The following PPP2R5E variants were observed in gnomAD, a reference collection of about 807,000 sequenced individuals.
PPP2R5E encodes serine/threonine-protein phosphatase 2A 56 kDa regulatory subunit epsilon isoform.
A neutral mutation model predicts 65.3 loss-of-function variants in PPP2R5E; 4 were observed. The ratio of observed to expected loss-of-function variants is 0.06; its 90% CI spans 0.03 to 0.14. PPP2R5E has a LOEUF of 0.14. Ranked by LOEUF, PPP2R5E falls within the 10% of genes least tolerant of loss-of-function variation. The pLI is 1.00. For synonymous variants in PPP2R5E, 183 were observed against 187.4 expected, an observed-to-expected ratio of 0.98 and a Z score of 0.19; for missense variants, 274 against 556.1, an observed-to-expected ratio of 0.49 and a Z score of 5.10.
At chr14:63,415,267 T>C (rs1886630723) in intron 4 of PPP2R5E, 35 bp from the exon 5 acceptor site, 1 of 1,474,236 alleles carries the variant, frequency 6.8e-7, no homozygotes, top group Non-Finnish European at 9.4e-7. Context: ...TTTCAAATTA[T>C]GACTCACTGA....
At chr14:63,497,889 C>G (rs370254197) in intron 2 of PPP2R5E, among the ~76,000 whole-genome samples, 1 of 152,202 alleles carries the variant, frequency 6.6e-6, no homozygotes, top group African/African-American at 2.4e-5. Flanking sequence ...CAGAAGCATA[C>G]TCACGTTAGT....
chr14:63,522,670 G>T (rs1234379955), intron 2 of PPP2R5E, among the ~76,000 whole-genome samples: 1 of 149,584 alleles, frequency 6.7e-6, no homozygotes, highest in Non-Finnish European at 1.5e-5. Context: ...TCTCTGCCCG[G>T]CCGCGACCCC....
chr14:63,456,760 C>A (rs754265107), intron 2 of PPP2R5E, among the ~76,000 whole-genome samples: 16 of 152,032 alleles, frequency 1.1e-4, no homozygotes, highest in Non-Finnish European at 2.1e-4. Context: ...CAGAGTGATA[C>A]CCTATTCCAG....
intron 8 of PPP2R5E, among the ~76,000 whole-genome samples, chr14:63,392,398 T>G (rs1885076031): frequency 6.6e-6 from 1 of 152,188 alleles, no homozygotes; most frequent in African/African-American, 2.4e-5. Context: ...GTACTGAGTT[T>G]TACTGTAGTT....
At chr14:63,469,632 G>T (rs1487265501) in intron 2 of PPP2R5E, among the ~76,000 whole-genome samples, 1 of 152,108 alleles carries the variant, frequency 6.6e-6, no homozygotes, top group Non-Finnish European at 1.5e-5. Context: ...AGGCGGAGCT[G>T]GCAGTGAGCC....
At chr14:63,507,273 T>A (rs1892228868) in intron 2 of PPP2R5E, among the ~76,000 whole-genome samples, 1 of 152,158 alleles carries the variant, frequency 6.6e-6, no homozygotes. Context: ...AGTGAGGGAA[T>A]ACCAACTGCC....
At chr14:63,476,698 C>T (rs986706576) in intron 2 of PPP2R5E, among the ~76,000 whole-genome samples, 8 of 152,064 alleles carry the variant, frequency 5.3e-5, no homozygotes, top group South Asian at 4.1e-4. Flanking sequence ...CACAGAGAAC[C>T]CTATACTGCT....
At chr14:63,378,715 T>G (rs1884135129) in intron 13 of PPP2R5E, among the ~76,000 whole-genome samples, 1 of 152,210 alleles carries the variant, frequency 6.6e-6, no homozygotes, top group Admixed American at 6.5e-5. Flanking sequence ...GCAGGGGATA[T>G]TGTCAAATTC....
intron 3 of PPP2R5E, among the ~76,000 whole-genome samples, chr14:63,433,764 A>G (rs1256507860): frequency 1.3e-5 from 2 of 152,198 alleles, no homozygotes; most frequent in Non-Finnish European, 1.5e-5. Flanking sequence ...AATTCTGGCT[A>G]CTTCTTATAC....
rs1253926161 is a variant in PPP2R5E at position 63,460,838 on chromosome 14, T to G, written c.158-6953A>C. 4.6e-5 allele frequency among the ~76,000 whole-genome samples: 7 copies of G among 152,296 alleles called. No individual in the cohort carries two copies. The Middle Eastern group carries it at 0.017, about 370-fold the overall frequency. The stretch of plus-strand genomic sequence containing the variant: ...ACATGATTCAGGGCTTTCGTGTTAT[T>G]TTGACACTATGATCTAATCAGAAGA... On this transcript the variant is annotated intron_variant, in intron 2 of 13. Transcript: ENST00000337537.
intron 2 of PPP2R5E, among the ~76,000 whole-genome samples, chr14:63,495,955 C>T (rs1298202906): frequency 1.3e-5 from 2 of 152,102 alleles, no homozygotes; most frequent in Non-Finnish European, 2.9e-5. Context: ...CTTTCATAAG[C>T]GCTGGGATTA....
At chr14:63,525,961 A>G (rs1893169280) in intron 2 of PPP2R5E, among the ~76,000 whole-genome samples, 1 of 152,044 alleles carries the variant, frequency 6.6e-6, no homozygotes, top group South Asian at 2.1e-4. Context: ...GGTTCAAGAG[A>G]TTCTCCTGCC....
At chr14:63,495,169 C>G (rs1237333180) in intron 2 of PPP2R5E, among the ~76,000 whole-genome samples, 1 of 151,898 alleles carries the variant, frequency 6.6e-6, no homozygotes, top group African/African-American at 2.4e-5. Context: ...CGCCACTGCA[C>G]TCCAGCCTGG....
At chr14:63,456,357 CACTT>C (rs1475183373) in intron 2 of PPP2R5E, among the ~76,000 whole-genome samples, 1 of 152,176 alleles carries the variant, frequency 6.6e-6, no homozygotes, top group Non-Finnish European at 1.5e-5. Context: ...AGGCAGTTAA[CACTT>C]AGTCCTATTT....
chr14:63,450,265 T>C (rs1888744455), intron 3 of PPP2R5E, among the ~76,000 whole-genome samples: 1 of 152,208 alleles, frequency 6.6e-6, no homozygotes, highest in African/African-American at 2.4e-5. Context: ...GCTAACAATT[T>C]CAGAAATCAC....
At chr14:63,416,820 T>A (rs1026770641) in intron 4 of PPP2R5E, among the ~76,000 whole-genome samples, 1 of 152,204 alleles carries the variant, frequency 6.6e-6, no homozygotes, top group African/African-American at 2.4e-5. Flanking sequence ...CAGATTTTCA[T>A]CTGCTTCTAT....
intron 2 of PPP2R5E, among the ~76,000 whole-genome samples, chr14:63,501,559 C>T (rs764142586): frequency 4.6e-5 from 7 of 151,894 alleles, no homozygotes; most frequent in Non-Finnish European, 7.4e-5. Flanking sequence ...GAGAAGGTAG[C>T]GAGAGGAATG....
At chr14:63,376,488 A>G (rs1245176552) in intron 13 of PPP2R5E, among the ~76,000 whole-genome samples, 1 of 152,200 alleles carries the variant, frequency 6.6e-6, no homozygotes, top group Non-Finnish European at 1.5e-5. Flanking sequence ...AAGAAACTGA[A>G]AACTTGTGAT....
At chr14:63,444,552 T>C (rs1888387052) in intron 3 of PPP2R5E, among the ~76,000 whole-genome samples, 1 of 152,078 alleles carries the variant, frequency 6.6e-6, no homozygotes, top group Admixed American at 6.6e-5. Flanking sequence ...AACAATGTCT[T>C]CACCCATGAG....
Sources: gnomAD v4.1 joint callset for allele counts (sites outside exome capture counted in the v4.1 genomes callset) on GRCh38, gnomAD v4.1.1 for gene constraint, MANE v1.5 for transcripts, NCBI Gene and HGNC (gene_info 2026-07-23, HGNC 2026-07-21) for gene names.